Variants in GMPR observed in about 807,000 individuals in gnomAD.
The protein encoded by GMPR is GMP reductase 1.
In GMPR, 31 loss-of-function variants were observed where a neutral mutation model predicts 38.4. The ratio of observed to expected loss-of-function variants is 0.81; its 90% CI spans 0.61 to 1.09. The LOEUF is 1.09. GMPR is among the 50% of genes least tolerant of loss of function. The probability of loss-of-function intolerance (pLI) is 0.00; values close to 1 mark genes in which losing one functional copy is unlikely to be tolerated. For synonymous variants in GMPR, 162 were observed against 173.3 expected (o/e 0.93, Z 0.51); for missense variants, 468 against 453.7 (o/e 1.03, Z -0.29).
chr6:16,261,399 GTGT>G (rs150487555), intron 4 of GMPR, among the ~76,000 whole-genome samples: 21,179 of 151,870 alleles, frequency 0.14, 2,341 homozygotes, highest in East Asian at 0.58. Flanking sequence ...AGCCTGACGG[GTGT>G]CAGGGTCAGT....
intron 3 of GMPR, among the ~76,000 whole-genome samples, chr6:16,251,496 G>A (rs780575127): frequency 7.2e-5 from 11 of 152,190 alleles, no homozygotes; most frequent in South Asian, 2.1e-4. Context: ...CTTTAACCCC[G>A]GAGGCAGAGG....
At chr6:16,269,577 C>A (rs184686555) in intron 4 of GMPR, among the ~76,000 whole-genome samples, 6 of 152,110 alleles carry the variant, frequency 3.9e-5, no homozygotes, top group Non-Finnish European at 7.4e-5. Flanking sequence ...AGGCAGATTG[C>A]GTGAGCCCAG....
chr6:16,262,530 C>T (rs1280098063), intron 4 of GMPR: 1 of 151,970 alleles, frequency 6.6e-6, no homozygotes, highest in Admixed American at 6.6e-5. Flanking sequence ...TTCTTGTGTG[C>T]TGGAGATGTG....
chr6:16,242,857 T>C (rs1301254757), intron 1 of GMPR, among the ~76,000 whole-genome samples: 2 of 152,290 alleles, frequency 1.3e-5, no homozygotes, highest in East Asian at 3.9e-4. Flanking sequence ...AGGCTGGTCT[T>C]GAACTCTCGA....
In GMPR at chr6:16,239,629, G is replaced by C. The variant is rs563237225; in HGVS notation, c.87+849G>C. Among the ~76,000 whole-genome samples the C allele has an allele frequency of 3.9e-5, 6 of 152,370 alleles. No homozygotes were observed. The South Asian group carries it at 1.2e-3, about 32-fold the overall frequency. On this transcript the variant is annotated intron_variant, in intron 1 of 8. Transcript: ENST00000259727. ...GGTGAGGAAACCGGACACGGTTGAA[G>C]GCTGGGGCTGAAGGAGTAAACACGA...
chr6:16,290,741 C>A, intron 8 of GMPR, 120 bp downstream of exon 8: 1 of 804,262 alleles, frequency 1.2e-6, no homozygotes, highest in East Asian at 2.6e-5. Flanking sequence ...GGAAGGGGTT[C>A]TTTTTAAAGA....
At chr6:16,292,353 T>G (rs1363137776) in intron 8 of GMPR, among the ~76,000 whole-genome samples, 1 of 152,084 alleles carries the variant, frequency 6.6e-6, no homozygotes, top group African/African-American at 2.4e-5. Flanking sequence ...CGTGGGGTTC[T>G]AGCGGACTTA....
At chr6:16,262,764 T>G (rs372954174) in intron 4 of GMPR, 3 of 152,066 alleles carry the variant, frequency 2.0e-5, no homozygotes, top group Non-Finnish European at 4.4e-5. Context: ...GTCTCAGGGT[T>G]GCTGCCAAAC....
intron 1 of GMPR, among the ~76,000 whole-genome samples, chr6:16,243,716 A>G (rs575394629): frequency 7.9e-5 from 12 of 152,264 alleles, no homozygotes; most frequent in South Asian, 2.1e-4. Flanking sequence ...CTGCCCCCCA[A>G]ATTGCATCCC....
chr6:16,272,616 G>A (rs919542556), intron 4 of GMPR, among the ~76,000 whole-genome samples: 3 of 152,110 alleles, frequency 2.0e-5, no homozygotes, highest in African/African-American at 7.2e-5. Flanking sequence ...AACACTTTCC[G>A]TTTTTCTCAG....
intron 6 of GMPR, among the ~76,000 whole-genome samples, chr6:16,285,117 A>G (rs1404245183): frequency 1.3e-5 from 2 of 150,926 alleles, no homozygotes; most frequent in Non-Finnish European, 3.0e-5. Context: ...GAGTTTAAAC[A>G]TTACCCCCAA....
At chr6:16,283,769 A>C (rs1759619467) in intron 6 of GMPR, among the ~76,000 whole-genome samples, 2 of 152,234 alleles carry the variant, frequency 1.3e-5, no homozygotes, top group South Asian at 4.1e-4. Context: ...ATGAGTGAAC[A>C]AAAGAGTGAT....
intron 8 of GMPR, among the ~76,000 whole-genome samples, chr6:16,293,164 G>T (rs1759872084): frequency 3.3e-5 from 5 of 152,158 alleles, no homozygotes; most frequent in Admixed American, 2.6e-4. Context: ...CTCACGCTGT[G>T]CCCGGGAGGC....
intron 7 of GMPR, among the ~76,000 whole-genome samples, chr6:16,289,026 A>C (rs1057492149): frequency 6.6e-6 from 1 of 152,218 alleles, no homozygotes; most frequent in Non-Finnish European, 1.5e-5. Context: ...AGGCTGCCGG[A>C]GCCAGCAGTG....
At chr6:16,242,584 A>G (rs1436824220) in intron 1 of GMPR, among the ~76,000 whole-genome samples, 1 of 151,954 alleles carries the variant, frequency 6.6e-6, no homozygotes, top group South Asian at 2.1e-4. Flanking sequence ...TCATCTCCAC[A>G]TGAGGTTCTC....
At chr6:16,243,145 C>T (rs564812429) in intron 1 of GMPR, among the ~76,000 whole-genome samples, 1 of 152,198 alleles carries the variant, frequency 6.6e-6, no homozygotes, top group African/African-American at 2.4e-5. Context: ...AAGAGTTTGG[C>T]GCTGTTCTGA....
chr6:16,238,691 A>T lies in GMPR; in HGVS notation c.-3A>T, dbSNP rs1305686125. The T allele has an allele frequency of 1.4e-6, 2 of 1,397,646 alleles. No homozygotes were observed. The highest frequency in any genetic ancestry group is 1.9e-6 in the Non-Finnish European group (2 of 1,059,674). 86.6% of individuals were successfully genotyped at this position (1,397,646 alleles called of 1,614,324 possible). ...CGCCGCCGCAGCCAGGAGCCGCTGC[A>T]CCATGCCCCGCATAGATGCGGACCT... is the stretch of plus-strand genomic sequence containing the variant. On this transcript the variant is annotated 5_prime_UTR_variant, in exon 1 of 9. Coordinates refer to ENST00000259727, the MANE Select transcript of GMPR (RefSeq NM_006877.4).
intron 6 of GMPR, among the ~76,000 whole-genome samples, chr6:16,281,226 C>G (rs1345317316): frequency 6.6e-6 from 1 of 152,190 alleles, no homozygotes; most frequent in South Asian, 2.1e-4. Flanking sequence ...GGCCCAGGAA[C>G]CTGTTTAAAC....
chr6:16,288,731 G>A (rs1217806359), intron 7 of GMPR, among the ~76,000 whole-genome samples: 1 of 152,246 alleles, frequency 6.6e-6, no homozygotes, highest in African/African-American at 2.4e-5. Flanking sequence ...AGTCTGGTGG[G>A]GACGTGGAGA....
Sources: gnomAD v4.1 joint callset for allele counts (sites outside exome capture counted in the v4.1 genomes callset) on GRCh38, gnomAD v4.1.1 for gene constraint, MANE v1.5 for transcripts, NCBI Gene and HGNC (gene_info 2026-07-23, HGNC 2026-07-21) for gene names.